Variants in EPPK1 observed in about 807,000 individuals in gnomAD.
EPPK1 encodes epiplakin 1.
For missense variants in EPPK1, 3,823 were observed against 3,673.3 expected (o/e 1.04, Z -1.05); for synonymous variants, 1,862 against 1,721.2 (o/e 1.08, Z -2.03).
In EPPK1 at chr8:143,870,852, GTGC is replaced by G. The variant is rs1563885747; in HGVS notation, c.2399_2401del (p.Ser800del). ...GGCACTGTCCACCAGCGGGGACTGC[GTGC>G]TGCTGAGTGGCAGGAGGTACAGGCC... On this transcript the variant is annotated inframe_deletion, in exon 2 of 2. Transcript: ENST00000615648. This position sits in a 1 kb window ranked among gnomAD's most constrained non-coding sequence, Gnocchi z 5.2. The G allele has an allele frequency of 6.2e-7, 1 of 1,612,954 alleles. No homozygotes were observed. Among genetic ancestry groups the G allele is most frequent in the Admixed American group, 1.7e-5 (1 of 60,020 alleles).
In EPPK1 at chr8:143,867,042, C is replaced by T. The variant is rs1452288940; in HGVS notation, c.6212G>A (p.Arg2071Lys). 1.9e-6 allele frequency: 3 copies of T among 1,612,886 alleles called. No individual in the cohort carries two copies. Among genetic ancestry groups the T allele is most frequent in the Non-Finnish European group, 2.5e-6 (3 of 1,179,846 alleles). The change falls in exon 2 of 2, where the codon AGG becomes AAG. Residue 2071 changes from arginine (R) to lysine (K), a missense_variant. Arg to Lys is a conservative substitution (Grantham distance 26). Transcript: ENST00000615648. ...GCCCGTGTCCTCTTGTGGGCGGCAC[C>T]TCTCCTGCAGCTCTCGGTACGAGAC... ...EKVSYRELQERCRPQEDTGWL... is the reference protein window; with the variant it reads ...EKVSYRELQEKCRPQEDTGWL...
chr8:143,872,326 G>A lies in EPPK1; in HGVS notation c.928C>T (p.Leu310Phe). The A allele has an allele frequency of 6.2e-7, 1 of 1,604,106 alleles. No individual in the cohort carries two copies. Among genetic ancestry groups the A allele is most frequent in the South Asian group, 1.1e-5 (1 of 90,528 alleles). ...AGTGGCAGCGCGGTGCCCATTGGGAGCAGGTGCTCGGTGGCAGCCTGGAAA... is the reference window on the plus strand; with the variant it reads ...AGTGGCAGCGCGGTGCCCATTGGGAACAGGTGCTCGGTGGCAGCCTGGAAA... ...SFFQAATEHL[L>F]PMGTALPLLE... The change falls in exon 2 of 2, where the codon CTC becomes TTC. Residue 310 changes from leucine to phenylalanine, a missense_variant. Leu to Phe is a conservative substitution (Grantham distance 22). Coordinates refer to ENST00000615648, the MANE Select transcript of EPPK1 (RefSeq NM_031308.4).
chr8:143,870,680 C>T lies in EPPK1; in HGVS notation c.2574G>A (p.Glu858=), dbSNP rs782193025. 1.9e-6 allele frequency: 3 copies of T among 1,608,762 alleles called. No homozygotes were observed. The highest frequency in any genetic ancestry group is 2.2e-5 in the East Asian group (1 of 44,668). The change falls in exon 2 of 2, where the codon GAG becomes GAA. Residue 858 remains glutamate, a synonymous_variant. Transcript: ENST00000615648. This position sits in a 1 kb window ranked among gnomAD's most constrained non-coding sequence, Gnocchi z 5.2. ...GCTTTGCCACCTGCCCCAGCGTGAC[C>T]TCGCGCTGCCGGTAGCGACGCAGCA... is the stretch of plus-strand genomic sequence containing the variant. ...RQLLRRYRQR[E]VTLGQVAKLL...
Position 143,873,001 on chromosome 8 carries a change from C to T in EPPK1, c.253G>A (p.Val85Met). 1 of 1,579,010 alleles carries T rather than the reference C, an allele frequency of 6.3e-7. No homozygotes were observed. Among genetic ancestry groups the T allele is most frequent in the Non-Finnish European group, 8.6e-7 (1 of 1,161,898 alleles). Residue 85 changes from valine (V) to methionine (M), a missense_variant, in exon 2 of 2, where the codon GTG (valine) becomes ATG (methionine). Transcript: ENST00000615648. ...AGCAGCTGGCCCCGGGCGAGGTCCA[C>T]CAGGCCCCCAGTGGCTGCCTGGGCC... is the stretch of plus-strand genomic sequence containing the variant. Reference protein sequence around the residue: ...LEAQAATGGLVDLARGQLLPV... With the variant: ...LEAQAATGGLMDLARGQLLPV...
chr8:143,873,083 G>T lies in EPPK1; in HGVS notation c.171C>A (p.Val57=), dbSNP rs368697762. ...YVEASGQAQS[V]YAAMEQGLLP... is the part of the protein sequence containing the mutation. Reference sequence around the variant, plus strand: ...GGAGGCCCTGCTCCATGGCGGCGTAGACACTCTGGGCCTGGCCCGAGGCCT... The same window carrying T: ...GGAGGCCCTGCTCCATGGCGGCGTATACACTCTGGGCCTGGCCCGAGGCCT... Residue 57 remains valine, a synonymous_variant, in exon 2 of 2, where the codon GTC becomes GTA. Transcript: ENST00000615648. 48 of 1,554,436 alleles carry T rather than the reference G, an allele frequency of 3.1e-5. No individual in the cohort carries two copies. Among genetic ancestry groups the T allele is most frequent in the Non-Finnish European group, 3.9e-5 (45 of 1,151,028 alleles).
rs1325777018 is a variant in EPPK1, at chr8:143,869,113, T to C, written c.4141A>G (p.Arg1381Gly). ...GVHLPQAAACRLGLLDTQTSQ... is the reference protein window; with the variant it reads ...GVHLPQAAACGLGLLDTQTSQ... ...GTCTGTGTGTCCAGAAGGCCGAGTC[T>C]GCAGGCTGCCGCCTGGGGCAGGTGC... The change falls in exon 2 of 2, where the codon AGA becomes GGA. Residue 1381 changes from arginine (R) to glycine (G), a missense_variant. Arg to Gly is a moderately radical substitution (Grantham distance 125). Coordinates refer to ENST00000615648, the MANE Select transcript of EPPK1 (RefSeq NM_031308.4). 1 of 1,606,480 alleles carries C rather than the reference T, an allele frequency of 6.2e-7. No homozygotes were observed. Among genetic ancestry groups the C allele is most frequent in the East Asian group, 2.2e-5 (1 of 44,814 alleles).
chr8:143,869,474 G>A lies in EPPK1; in HGVS notation c.3780C>T (p.Ala1260=). Residue 1260 remains alanine (A), a synonymous_variant, in exon 2 of 2, where the codon GCC becomes GCT. Coordinates refer to ENST00000615648, the MANE Select transcript of EPPK1 (RefSeq NM_031308.4). ...GVLLQPSGAK[A]SIAQAVRDGL... is the part of the protein sequence containing the mutation. ...CATCCCTCACGGCCTGGGCGATGCT[G>A]GCCTTGGCCCCAGAGGGCTGTAGCA... 1.3e-6 allele frequency: 2 copies of A among 1,551,656 alleles called. No individual in the cohort carries two copies. Among genetic ancestry groups the A allele is most frequent in the East Asian group, 2.3e-5 (1 of 44,304 alleles).
Position 143,866,663 on chromosome 8 carries a change from G to T in EPPK1, c.6591C>A (p.Leu2197=), listed in dbSNP as rs782584997. 2 of 1,613,070 alleles carry T rather than the reference G, an allele frequency of 1.2e-6. No homozygotes were observed. Among genetic ancestry groups the T allele is most frequent in the Admixed American group, 1.7e-5 (1 of 60,012 alleles). ...TGCTCCGTCCCGTTTCCAGGTCCTG[G>T]AGCATTTCCTCCGTGATTATGGCTG... is the stretch of plus-strand genomic sequence containing the variant. The part of the protein sequence containing the change: ...LSSAIITEEM[L]QDLETGRSTT... Residue 2197 remains leucine, a synonymous_variant, in exon 2 of 2, where the codon CTC becomes CTA. Coordinates refer to ENST00000615648, the MANE Select transcript of EPPK1 (RefSeq NM_031308.4).
In EPPK1 at chr8:143,868,359, C is replaced by A. The variant is rs1554659907; in HGVS notation, c.4895G>T (p.Gly1632Val). The A allele has an allele frequency of 2.5e-6, 4 of 1,613,026 alleles. No individual in the cohort carries two copies. The Admixed American group carries it at 6.7e-5, about 27-fold the overall frequency. ...KLTVEEAFKAGMFGKETYVKL... is the reference protein window; with the variant it reads ...KLTVEEAFKAVMFGKETYVKL... ...CACGTAGGTTTCTTTCCCGAACATT[C>A]CTGCTTTGAACGCCTCCTCCACGGT... Residue 1632 changes from glycine (G) to valine (V), a missense_variant, in exon 2 of 2, where the codon GGA (glycine) becomes GTA (valine). Physicochemically the swap from Gly to Val is moderately radical, Grantham distance 109 (BLOSUM62 -3). Coordinates refer to ENST00000615648, the MANE Select transcript of EPPK1 (RefSeq NM_031308.4).
In EPPK1 at chr8:143,871,341, C is replaced by G; in HGVS notation, c.1913G>C (p.Gly638Ala). The change falls in exon 2 of 2, where the codon GGC becomes GCC. Residue 638 changes from glycine (G) to alanine (A), a missense_variant. Coordinates refer to ENST00000615648, the MANE Select transcript of EPPK1 (RefSeq NM_031308.4). ...TGCCTCCAGAAGGATGAGGGCAGTGCCGGGCCGGAGGAGCCCCTTGCATCG... is the reference window on the plus strand; with the variant it reads ...TGCCTCCAGAAGGATGAGGGCAGTGGCGGGCCGGAGGAGCCCCTTGCATCG... ...EARCKGLLRP[G>A]TALILLEAQA... 6.2e-7 allele frequency: 1 copy of G among 1,610,552 alleles called. No individual in the cohort carries two copies. Among genetic ancestry groups the G allele is most frequent in the Non-Finnish European group, 8.5e-7 (1 of 1,179,060 alleles).
Position 143,869,594 on chromosome 8 carries a change from C to A in EPPK1, c.3660G>T (p.Glu1220Asp), listed in dbSNP as rs1554660414. The change falls in exon 2 of 2, where the codon GAG becomes GAT. Residue 1220 changes from glutamate (E) to aspartate (D), a missense_variant. Transcript: ENST00000615648. ...DAGIITQETL[E>D]ALAQGTQSPA... ...GCGACTGCGTGCCCTGAGCCAGGGC[C>A]TCAAGGGTCTCCTGGGTGATGATGC... is the stretch of plus-strand genomic sequence containing the variant. The A allele has an allele frequency of 1.3e-6, 2 of 1,565,512 alleles. No homozygotes were observed. Among genetic ancestry groups the A allele is most frequent in the East Asian group, 4.7e-5 (2 of 42,932 alleles).
At position 143,878,426 on chromosome 8, in the gene EPPK1, C is replaced by T. The variant is rs1194241434; in HGVS notation, c.-46+12G>A. ...CCCGCCGCACCCGCCGCACCCGCCG[C>T]ACCCGCCGCACCTGCCCGCTCGCCG... is the stretch of plus-strand genomic sequence containing the variant. On this transcript the variant is annotated intron_variant, in intron 1 of 1. Transcript: ENST00000615648. 6.8e-6 allele frequency: 1 copy of T among 147,436 alleles called. No individual in the cohort carries two copies. The highest frequency in any genetic ancestry group is 1.5e-5 in the Non-Finnish European group (1 of 66,238). The allele number at this position is 147,436 out of a possible 1,614,324, so 9.1% of individuals were successfully genotyped here. A position where few individuals can be genotyped will look rare whatever the true frequency, so the allele number is the denominator to read the frequency against.
chr8:143,867,837 G>C lies in EPPK1; in HGVS notation c.5417C>G (p.Thr1806Arg). The C allele has an allele frequency of 1.2e-6, 2 of 1,613,516 alleles. No homozygotes were observed. The highest frequency in any genetic ancestry group is 1.7e-6 in the Non-Finnish European group (2 of 1,179,832). ...FWDLLSSPYF[T>R]EDRKRELIQE... is the part of the protein sequence containing the mutation. ...GATGAGCTCCCGCTTCCTGTCCTCT[G>C]TGAAGTATGGAGAGGACAGCAGGTC... The change falls in exon 2 of 2, where the codon ACA becomes AGA. Residue 1806 changes from threonine to arginine, a missense_variant. Thr to Arg is a moderately conservative substitution (Grantham distance 71). Coordinates refer to ENST00000615648, the MANE Select transcript of EPPK1 (RefSeq NM_031308.4).
At chr8:143,873,858 G>C (rs1819430200) in intron 1 of EPPK1, among the ~76,000 whole-genome samples, 1 of 151,508 alleles carries the variant, frequency 6.6e-6, no homozygotes, top group East Asian at 2.0e-4. Context: ...AGAAGCCTCT[G>C]CCACCTCCTG....
Position 143,867,154 on chromosome 8 carries a change from C to A in EPPK1, c.6100G>T (p.Gly2034Cys). 1.2e-6 allele frequency: 2 copies of A among 1,612,764 alleles called. No individual in the cohort carries two copies. The highest frequency in any genetic ancestry group is 1.7e-6 in the Non-Finnish European group (2 of 1,179,702). Residue 2034 changes from glycine (G) to cysteine (C), a missense_variant, in exon 2 of 2, where the codon GGC (glycine) becomes TGC (cysteine). By Grantham distance (159) the Gly-to-Cys change is radical. Transcript: ENST00000615648. The stretch of plus-strand genomic sequence containing the variant: ...GCATAGATGTCCTTGTGCAGACAGC[C>A]CCGTCTGTAGGCTGTTTCCAGTGGG... ...RLPLETAYRR[G>C]CLHKDIYALI...
rs545014988 is a variant in EPPK1, at chr8:143,872,233, C to A, written c.1021G>T (p.Glu341Ter). ...CTGACCAGGCCCGCCCTGACTGCCT[C>A]GTCTACCCACAGCCGCTGGCCTGTG... ...PITGQRLWVD[E>*]AVRAGLVSPE... Residue 341 changes from glutamate to a stop codon, truncating the protein, a stop_gained, in exon 2 of 2, where the codon GAG becomes TAG. Coordinates refer to ENST00000615648, the MANE Select transcript of EPPK1 (RefSeq NM_031308.4). LOFTEE classifies it low-confidence loss of function (END_TRUNC). The A allele has an allele frequency of 1.2e-6, 2 of 1,609,702 alleles. No individual in the cohort carries two copies. Among genetic ancestry groups the A allele is most frequent in the Non-Finnish European group, 1.7e-6 (2 of 1,178,516 alleles).
chr8:143,857,898 A>AG lies in EPPK1; in HGVS notation c.*88_*89insC, dbSNP rs1554657818. On this transcript the variant is annotated 3_prime_UTR_variant, in exon 2 of 2. Transcript: ENST00000615648. ...AAAACAACAAAATTAAAGAATGACAAAAAAAAAAAAAAAAAAAAAAACAAC... is the reference window on the plus strand; with the variant it reads ...AAAACAACAAAATTAAAGAATGACAAGAAAAAAAAAAAAAAAAAAAAACAAC... The AG allele has an allele frequency of 8.4e-6, 3 of 355,478 alleles. No individual in the cohort carries two copies. The highest frequency in any genetic ancestry group is 8.5e-6 in the Non-Finnish European group (2 of 235,838). 22.0% of individuals were successfully genotyped at this position (355,478 alleles called of 1,614,324 possible).
Position 143,868,273 on chromosome 8 carries a change from TCTG to T in EPPK1, c.4978_4980del (p.Gln1660del), listed in dbSNP as rs1399293820. On this transcript the variant is annotated inframe_deletion, in exon 2 of 2. Coordinates refer to ENST00000615648, the MANE Select transcript of EPPK1 (RefSeq NM_031308.4). The stretch of plus-strand genomic sequence containing the variant: ...TTCTGCATGGCCTGGAAGAGGGAGA[TCTG>T]CTGCCCGGTATAGGGGTCGGTGTAG... 2 of 1,613,072 alleles carry T rather than the reference TCTG, an allele frequency of 1.2e-6. No homozygotes were observed. Among genetic ancestry groups the T allele is most frequent in the African/African-American group, 2.7e-5 (2 of 74,932 alleles).
rs988104020 is a variant in EPPK1, at chr8:143,868,426, C to T, written c.4828G>A (p.Ala1610Thr). The change falls in exon 2 of 2, where the codon GCT becomes ACT. Residue 1610 changes from alanine to threonine, a missense_variant. Ala to Thr is a moderately conservative substitution (Grantham distance 58). Transcript: ENST00000615648. ...ACGGGGTCGATGATGAAGCCGGTAG[C>T]TGCCTGTGCCTCCAGCAGCACCAGG... is the stretch of plus-strand genomic sequence containing the variant. ...TALVLLEAQA[A>T]TGFIIDPVEN... The T allele has an allele frequency of 6.2e-7, 1 of 1,612,418 alleles. No individual in the cohort carries two copies. Among genetic ancestry groups the T allele is most frequent in the African/African-American group, 1.3e-5 (1 of 74,940 alleles).
Sources: gnomAD v4.1 joint callset for allele counts (sites outside exome capture counted in the v4.1 genomes callset) on GRCh38, gnomAD v4.1.1 for gene constraint, Gnocchi (gnomAD v3.1) non-coding constraint, MANE v1.5 for transcripts, NCBI Gene and HGNC (gene_info 2026-07-23, HGNC 2026-07-21) for gene names.